The following SMPD3 variants were observed in gnomAD, a reference collection of about 807,000 sequenced individuals.
SMPD3 encodes the protein nSMase-2.
SMPD3 carries 21 observed loss-of-function variants against 55.7 expected under a neutral mutation model. The ratio of observed to expected loss-of-function variants is 0.38; its 90% confidence interval spans 0.27 to 0.54. SMPD3 has a LOEUF of 0.54. SMPD3 is among the 20% of genes least tolerant of loss of function. The pLI is 0.80. For synonymous variants in SMPD3, 457 were observed against 404.3 expected, an observed-to-expected ratio of 1.13 and a Z score of -1.56; for missense variants, 842 against 899.6, an observed-to-expected ratio of 0.94 and a Z score of 0.82.
rs1332559550 is a variant in SMPD3, at chr16:68,361,019, C to A, written c.*187G>T. The A allele has an allele frequency of 1.7e-6, 1 of 579,190 alleles. No individual in the cohort carries two copies. The allele number at this position is 579,190 out of a possible 1,614,324, so 35.9% of individuals were successfully genotyped here. On this transcript the variant is annotated 3_prime_UTR_variant, in exon 9 of 9. Transcript: ENST00000219334. Reference sequence around the variant, plus strand: ...CTGGAGGCTCCTGGGGCGGGCCTGACTCCTCTGTCCACAGTGAGGCCCAGA... The same window carrying A: ...CTGGAGGCTCCTGGGGCGGGCCTGAATCCTCTGTCCACAGTGAGGCCCAGA...
intron 2 of SMPD3, among the ~76,000 whole-genome samples, chr16:68,375,654 C>A (rs1212454967): frequency 6.6e-6 from 1 of 152,220 alleles, no homozygotes; most frequent in Non-Finnish European, 1.5e-5. Context: ...CCCTGGGCCC[C>A]CCTTTCTCCT....
At chr16:68,385,993 C>T (rs1474899555) in intron 2 of SMPD3, among the ~76,000 whole-genome samples, 1 of 152,144 alleles carries the variant, frequency 6.6e-6, no homozygotes, top group Non-Finnish European at 1.5e-5. Context: ...GAGGCCAAGG[C>T]GGGCAGATCG....
chr16:68,366,264 C>T lies in SMPD3; in HGVS notation c.1324-1172G>A, dbSNP rs1308105068. On this transcript the variant is annotated intron_variant, in intron 3 of 8. Coordinates refer to ENST00000219334, the MANE Select transcript of SMPD3 (RefSeq NM_018667.4). ...ACAGCCTCGGCAGGCTCCGTCCTTC[C>T]TTCACTGCTGCAGTCGGTCAGGCTG... Among the ~76,000 whole-genome samples, 4 of 152,222 alleles carry T rather than the reference C, an allele frequency of 2.6e-5. No individual in the cohort carries two copies. The South Asian group carries it at 6.2e-4, about 24-fold the overall frequency.
chr16:68,372,199 C>T lies in SMPD3; in HGVS notation c.-18G>A, dbSNP rs765104173. The T allele has an allele frequency of 1.6e-5, 25 of 1,606,968 alleles. No individual in the cohort carries two copies. In the East Asian group the frequency reaches 1.8e-4, roughly 12 times the overall value. The stretch of plus-strand genomic sequence containing the variant: ...AAAACCATCGCAGCTCACTGGGCGC[C>T]GCAGCCGGCCCTACTACATGGTGTC... On this transcript the variant is annotated 5_prime_UTR_variant, in exon 3 of 9. Transcript: ENST00000219334.
At chr16:68,423,898 T>C (rs1597661527) in intron 1 of SMPD3, among the ~76,000 whole-genome samples, 1 of 151,840 alleles carries the variant, frequency 6.6e-6, no homozygotes, top group Non-Finnish European at 1.5e-5. Context: ...GAGGAGGCGG[T>C]GATGTCACCC....
intron 2 of SMPD3, among the ~76,000 whole-genome samples, chr16:68,377,127 C>T (rs916851523): frequency 1.3e-5 from 2 of 152,356 alleles, no homozygotes; most frequent in South Asian, 2.1e-4. Flanking sequence ...AGAGCGCCTT[C>T]AGGAGCCTCA....
intron 1 of SMPD3, among the ~76,000 whole-genome samples, chr16:68,438,642 A>G (rs181608623): frequency 6.6e-6 from 1 of 152,178 alleles, no homozygotes; most frequent in East Asian, 1.9e-4. Context: ...TCCCAAACAT[A>G]CCATTGTCAT....
intron 3 of SMPD3, chr16:68,369,977 C>T (rs1209192441): frequency 6.6e-6 from 1 of 152,300 alleles, no homozygotes; most frequent in Non-Finnish European, 1.5e-5. Context: ...TTTCATGTCT[C>T]ACCCTAAAGG....
At chr16:68,413,157 T>C (rs989711967) in intron 1 of SMPD3, among the ~76,000 whole-genome samples, 2 of 152,252 alleles carry the variant, frequency 1.3e-5, no homozygotes, top group Admixed American at 6.5e-5. Flanking sequence ...GCACAGGGCC[T>C]GAGTTTCGGT....
At chr16:68,397,165 C>T (rs148467595) in intron 1 of SMPD3, among the ~76,000 whole-genome samples, 1,734 of 152,244 alleles carry the variant, frequency 0.011, 35 homozygotes, top group Admixed American at 0.041. Context: ...GCATTTTGAC[C>T]GATGGGGCTC....
chr16:68,384,187 A>C (rs2151999025), intron 2 of SMPD3, among the ~76,000 whole-genome samples: 1 of 152,160 alleles, frequency 6.6e-6, no homozygotes, highest in Middle Eastern at 3.4e-3. Flanking sequence ...GCAGTCCCCC[A>C]CTGTGCCCTT....
Position 68,363,850 on chromosome 16 carries a change from C to T in SMPD3, c.1572G>A (p.Gln524=). 6.4e-7 allele frequency: 1 copy of T among 1,566,188 alleles called. No homozygotes were observed. The change falls in exon 6 of 9, where the codon CAG becomes CAA. Residue 524 remains glutamine, a synonymous_variant. Transcript: ENST00000219334. ...DNCSSDDKLE[Q]QHSLFTHYRD... is the part of the protein sequence containing the mutation. ...TGTAGTGGGTGAACAGGGAGTGTTG[C>T]TGCTCCAGCTTGTCGTCTGTGCGGG... is the stretch of plus-strand genomic sequence containing the variant.
Position 68,415,424 on chromosome 16 carries a change from G to A in SMPD3, c.-268-28765C>T, listed in dbSNP as rs1374617580. On this transcript the variant is annotated intron_variant, in intron 1 of 8. Transcript: ENST00000219334. ...AATTCTGCCCGTTCAGCAATGCTGA[G>A]GGTCTAGCTGCAGTTTGAGCCAACT... Among the ~76,000 whole-genome samples, 35 of 152,212 alleles carry A rather than the reference G, an allele frequency of 2.3e-4. 1 individual carries two copies. The highest frequency in any genetic ancestry group is 2.3e-3 in the Admixed American group (35 of 15,280).
intron 2 of SMPD3, among the ~76,000 whole-genome samples, chr16:68,385,568 C>T (rs1317796153): frequency 6.6e-6 from 1 of 152,184 alleles, no homozygotes; most frequent in Non-Finnish European, 1.5e-5. Flanking sequence ...CATCCAGTCA[C>T]CACCACCTTG....
chr16:68,379,823 C>T (rs887051386), intron 2 of SMPD3, among the ~76,000 whole-genome samples: 1 of 152,278 alleles, frequency 6.6e-6, no homozygotes, highest in African/African-American at 2.4e-5. Flanking sequence ...ACTCCTTCAA[C>T]CAGCCAGCCT....
At position 68,359,971 on chromosome 16, in the gene SMPD3, A is replaced by G. The variant is rs1440202544; in HGVS notation, c.*1235T>C. 1.3e-5 allele frequency: 2 copies of G among 152,510 alleles called. No individual in the cohort carries two copies. The highest frequency in any genetic ancestry group is 2.9e-5 in the Non-Finnish European group (2 of 68,138). The allele number at this position is 152,510 out of a possible 1,614,324, so 9.4% of individuals were successfully genotyped here. On this transcript the variant is annotated 3_prime_UTR_variant, in exon 9 of 9. Transcript: ENST00000219334. ...CCACACCCTGCCCTGGGCATGCAGC[A>G]ACTGTCAGCCTTGCTGCCCCAGCTT... is the stretch of plus-strand genomic sequence containing the variant.
chr16:68,404,173 C>T lies in SMPD3; in HGVS notation c.-268-17514G>A, dbSNP rs575064812. Among the ~76,000 whole-genome samples, 32 of 151,398 alleles carry T rather than the reference C, an allele frequency of 2.1e-4. No individual in the cohort carries two copies. Among genetic ancestry groups the T allele is most frequent in the Admixed American group, 5.9e-4 (9 of 15,206 alleles). On this transcript the variant is annotated intron_variant, in intron 1 of 8. Coordinates refer to ENST00000219334, the MANE Select transcript of SMPD3 (RefSeq NM_018667.4). This position sits in a 1 kb window ranked among gnomAD's most constrained non-coding sequence, Gnocchi z 4.0. ...TGGGACTACTCAGTGCACACCACCACGCCCAGCTAATTTTTTTTTTTTTTT... is the reference window on the plus strand; with the variant it reads ...TGGGACTACTCAGTGCACACCACCATGCCCAGCTAATTTTTTTTTTTTTTT...
At chr16:68,429,485 T>C (rs985323425) in intron 1 of SMPD3, among the ~76,000 whole-genome samples, 1 of 152,232 alleles carries the variant, frequency 6.6e-6, no homozygotes, top group African/African-American at 2.4e-5. Flanking sequence ...TCAAGCCTCC[T>C]GTATTGATTC....
At chr16:68,366,025 C>T (rs1322352769) in intron 3 of SMPD3, among the ~76,000 whole-genome samples, 3 of 152,158 alleles carry the variant, frequency 2.0e-5, no homozygotes, top group Non-Finnish European at 4.4e-5. Flanking sequence ...TCCTTCCCTC[C>T]TGTGCCTCTG....
Sources: allele counts gnomAD v4.1 joint callset (sites outside exome capture counted in the v4.1 genomes callset), GRCh38; gene constraint gnomAD v4.1.1; non-coding constraint Gnocchi (gnomAD v3.1); transcripts MANE v1.5; gene names NCBI Gene and HGNC (gene_info 2026-07-23, HGNC 2026-07-21).